HLTF: variants seen among roughly 807,000 people sequenced by gnomAD.
HLTF encodes the protein helicase like transcription factor, also known as DNA-dependent ATPase/E3 ubiquitin-protein ligase HLTF.
A neutral mutation model predicts 129.4 loss-of-function variants in HLTF; 127 were observed. That is an observed-to-expected ratio of 0.98 (90% confidence interval 0.85 to 1.14). The LOEUF (loss-of-function observed/expected upper bound fraction) is 1.14. Among genes scored for constraint, HLTF ranks in the 50% most tolerant of loss-of-function variants. HLTF has a pLI of 0.00. For synonymous variants in HLTF, 332 were observed against 388.8 expected (o/e 0.85, Z 1.72); for missense variants, 1,139 against 1,187.1 (o/e 0.96, Z 0.60).
At chr3:149,082,382 T>A (rs1025820714) in intron 2 of HLTF, among the ~76,000 whole-genome samples, 2 of 151,982 alleles carry the variant, frequency 1.3e-5, no homozygotes, top group Non-Finnish European at 2.9e-5. Flanking sequence ...TGGCATGAAC[T>A]TGGGAGGCGG....
intron 7 of HLTF, among the ~76,000 whole-genome samples, chr3:149,069,454 A>G (rs1242333544): frequency 1.4e-5 from 2 of 144,872 alleles, no homozygotes; most frequent in Non-Finnish European, 1.5e-5. Context: ...GGGCAACAAG[A>G]GTGAAACTCC....
At chr3:149,037,132 G>A (rs1316458555) in intron 23 of HLTF, among the ~76,000 whole-genome samples, 1 of 152,050 alleles carries the variant, frequency 6.6e-6, no homozygotes, top group African/African-American at 2.4e-5. Flanking sequence ...ATAAAATACT[G>A]CAAACAAAGA....
chr3:149,048,758 G>C, intron 16 of HLTF, 105 bp downstream of exon 16: 1 of 756,758 alleles, frequency 1.3e-6, no homozygotes, highest in Admixed American at 2.4e-5. Context: ...ATTAATTTTG[G>C]GGCAGAATTT....
At chr3:149,059,369 C>A in intron 13 of HLTF, 1 of 410,238 alleles carries the variant, frequency 2.4e-6, no homozygotes, top group Non-Finnish European at 4.7e-6. Flanking sequence ...AAAGCAAATT[C>A]TAATACCAAA....
At chr3:149,072,209 T>A (rs1718938224) in intron 5 of HLTF, among the ~76,000 whole-genome samples, 1 of 152,170 alleles carries the variant, frequency 6.6e-6, no homozygotes, top group African/African-American at 2.4e-5. Context: ...TAAAAGAATT[T>A]TAAGTCCCGA....
chr3:149,043,790 C>G (rs987488999), intron 18 of HLTF, among the ~76,000 whole-genome samples: 1 of 152,128 alleles, frequency 6.6e-6, no homozygotes, highest in African/African-American at 2.4e-5. Flanking sequence ...AATTATGTAA[C>G]CTTGGACAGG....
chr3:149,036,084 G>A (rs865799439), intron 23 of HLTF, among the ~76,000 whole-genome samples: 24 of 151,460 alleles, frequency 1.6e-4, no homozygotes, highest in Admixed American at 7.9e-4. Flanking sequence ...GCAGTGAGCC[G>A]AGATCGCGCC....
intron 5 of HLTF, among the ~76,000 whole-genome samples, chr3:149,071,976 C>A (rs954622352): frequency 1.3e-5 from 2 of 152,114 alleles, no homozygotes; most frequent in Non-Finnish European, 2.9e-5. Context: ...TCACTTCAGC[C>A]TAGTAGGTAG....
intron 24 of HLTF, among the ~76,000 whole-genome samples, chr3:149,033,303 T>TG: frequency 6.6e-6 from 1 of 152,276 alleles, no homozygotes; most frequent in East Asian, 1.9e-4. Flanking sequence ...AAGGATACTA[T>TG]GTTCCTGTAT....
intron 23 of HLTF, among the ~76,000 whole-genome samples, chr3:149,038,156 CA>C (rs1190079360): frequency 6.6e-6 from 1 of 152,106 alleles, no homozygotes; most frequent in Non-Finnish European, 1.5e-5. Context: ...ACGTTGAATG[CA>C]AAGGAAATTG....
At position 149,064,786 on chromosome 3, in the gene HLTF, T is replaced by A. The variant is rs371048166; in HGVS notation, c.1066+5A>T. 15 of 1,525,798 alleles carry A rather than the reference T, an allele frequency of 9.8e-6. No individual in the cohort carries two copies. The African/African-American group carries it at 2.1e-4, about 21-fold the overall frequency. The allele number at this position is 1,525,798 out of a possible 1,614,324, so 94.5% of individuals were successfully genotyped here. On this transcript the variant is annotated splice_donor_5th_base_variant and intron_variant, in intron 9 of 24. Transcript: ENST00000310053. Reference sequence around the variant, plus strand: ...ATATTGGATCATTTCAAAATTAGCATTTACCTTTGCTTAGTCCATCTGCCT... The same window carrying A: ...ATATTGGATCATTTCAAAATTAGCAATTACCTTTGCTTAGTCCATCTGCCT...
At chr3:149,057,828 C>T (rs2108010574) in intron 13 of HLTF, among the ~76,000 whole-genome samples, 1 of 152,230 alleles carries the variant, frequency 6.6e-6, no homozygotes, top group East Asian at 1.9e-4. Flanking sequence ...TTTACCATTC[C>T]CCTACTGGAC....
intron 20 of HLTF, among the ~76,000 whole-genome samples, 190 bp downstream of exon 20, chr3:149,041,298 CTG>C (rs1424752007): frequency 1.3e-5 from 2 of 152,132 alleles, no homozygotes; most frequent in African/African-American, 2.4e-5. Flanking sequence ...AAGATATTGA[CTG>C]TGAACATCTT....
chr3:149,071,605 GT>G lies in HLTF; in HGVS notation c.679del (p.Thr227ProfsTer22). 6.3e-7 allele frequency: 1 copy of G among 1,597,314 alleles called. No individual in the cohort carries two copies. Among genetic ancestry groups the G allele is most frequent in the Non-Finnish European group, 8.6e-7 (1 of 1,167,524 alleles). ...LFEDLKEDDK[T>X]HEMEPAEAIE... is the part of the protein sequence containing the mutation. Reference sequence around the variant, plus strand: ...TACCTCAGCTGGTTCCATTTCATGGGTTTTATCATCTTCTTTTAAATCTTCA... The same window carrying G: ...TACCTCAGCTGGTTCCATTTCATGGGTTTATCATCTTCTTTTAAATCTTCA... On this transcript the variant is annotated frameshift_variant, in exon 6 of 25. Coordinates refer to ENST00000310053, the MANE Select transcript of HLTF (RefSeq NM_003071.4). LOFTEE classifies it high-confidence loss of function.
intron 23 of HLTF, among the ~76,000 whole-genome samples, chr3:149,036,297 GT>G (rs71135656): frequency 2.8e-5 from 3 of 107,984 alleles, no homozygotes; most frequent in Admixed American, 1.1e-4. Flanking sequence ...AAACTATGAG[GT>G]TTTTTTTTTG....
intron 23 of HLTF, among the ~76,000 whole-genome samples, chr3:149,035,279 T>A (rs1470167172): frequency 6.6e-6 from 1 of 152,152 alleles, no homozygotes; most frequent in Non-Finnish European, 1.5e-5. Context: ...AATTTGGTTT[T>A]TTTTTTCATT....
intron 13 of HLTF, among the ~76,000 whole-genome samples, chr3:149,055,701 C>T (rs544516120): frequency 6.6e-6 from 1 of 152,290 alleles, no homozygotes; most frequent in South Asian, 2.1e-4. Flanking sequence ...ATGCAGTTTT[C>T]TGAATTTGTG....
intron 12 of HLTF, 41 bp downstream of exon 12, chr3:149,060,602 A>T: frequency 6.9e-7 from 1 of 1,459,330 alleles, no homozygotes; most frequent in Non-Finnish European, 9.5e-7. Context: ...GTACTTTAAT[A>T]ATCTTGAAGT....
chr3:149,063,735 CTT>C (rs1477173241), intron 9 of HLTF, among the ~76,000 whole-genome samples: 1 of 151,896 alleles, frequency 6.6e-6, no homozygotes, highest in African/African-American at 2.4e-5. Context: ...ATGACCCAGT[CTT>C]TTCTTTGTAC....
Sources: allele counts gnomAD v4.1 joint callset (sites outside exome capture counted in the v4.1 genomes callset), GRCh38; gene constraint gnomAD v4.1.1; transcripts MANE v1.5; gene names NCBI Gene and HGNC (gene_info 2026-07-23, HGNC 2026-07-21).